The following COTL1 variants were observed in gnomAD, a reference collection of about 807,000 sequenced individuals.
COTL1 encodes the protein coactosin like F-actin binding protein 1.
In COTL1, 15 loss-of-function variants were observed where a neutral mutation model predicts 16.5. The observed-to-expected ratio is 0.91, with a 90% confidence interval of 0.61 to 1.40. The LOEUF (loss-of-function observed/expected upper bound fraction) is 1.40. COTL1 is among the 40% of genes most tolerant of loss of function. The probability of loss-of-function intolerance (pLI) is 0.00; values close to 1 mark genes in which losing one functional copy is unlikely to be tolerated. For synonymous variants in COTL1, 112 were observed against 85.3 expected (o/e 1.31, Z -1.73); for missense variants, 220 against 201.5 (o/e 1.09, Z -0.56).
chr16:84,568,364 G>C (rs1338932180), intron 3 of COTL1: 1 of 152,236 alleles, frequency 6.6e-6, no homozygotes, highest in Middle Eastern at 3.2e-3. Context: ...ACACACAGTA[G>C]TAAATATGAA....
chr16:84,602,205 G>A (rs1220140089), intron 2 of COTL1, among the ~76,000 whole-genome samples: 2 of 106,058 alleles, frequency 1.9e-5, no homozygotes, highest in Admixed American at 9.4e-5. Context: ...AGTTCAATGG[G>A]GGTGGGGGGG....
chr16:84,589,505 G>A (rs888014273), intron 3 of COTL1, among the ~76,000 whole-genome samples: 5 of 152,000 alleles, frequency 3.3e-5, no homozygotes, highest in African/African-American at 7.3e-5. Context: ...ATCCTTTTGC[G>A]AAATGGAGAT....
At chr16:84,567,427 TGTAAATAG>T (rs1163585918) in intron 3 of COTL1, 5 of 153,654 alleles carry the variant, frequency 3.3e-5, no homozygotes, top group African/African-American at 1.2e-4. Flanking sequence ...ATATCCATGA[TGTAAATAG>T]TCCCCCAGTG....
chr16:84,589,871 G>A (rs940699310), intron 3 of COTL1, among the ~76,000 whole-genome samples: 4 of 152,166 alleles, frequency 2.6e-5, no homozygotes, highest in Non-Finnish European at 5.9e-5. Flanking sequence ...CAGCTGCCAA[G>A]CTTCTGTTAT....
chr16:84,569,519 G>A (rs1904313714), intron 3 of COTL1, among the ~76,000 whole-genome samples: 1 of 152,148 alleles, frequency 6.6e-6, no homozygotes, highest in Non-Finnish European at 1.5e-5. Context: ...AGAACGGGAG[G>A]TTAATTTTTA....
Position 84,581,978 on chromosome 16 carries a change from CTTTT to C in COTL1, c.318+8123_318+8126del, listed in dbSNP as rs11332563. Among the ~76,000 whole-genome samples, 324 of 65,984 alleles carry C rather than the reference CTTTT, an allele frequency of 4.9e-3. 1 individual carries two copies. Among genetic ancestry groups the C allele is most frequent in the African/African-American group, 0.014 (310 of 22,590 alleles). 43.3% of individuals were successfully genotyped at this position (65,984 alleles called of 152,430 possible). A position where few individuals can be genotyped will look rare whatever the true frequency, so the allele number is the denominator to read the frequency against. ...GCCTACATGAGCAGATACATTTCTT[CTTTT>C]TTTTTTTTTTTTTTTTTTTTTGAGA... On this transcript the variant is annotated intron_variant, in intron 3 of 3. Transcript: ENST00000262428.
intron 3 of COTL1, among the ~76,000 whole-genome samples, chr16:84,573,884 G>A (rs1420039608): frequency 2.6e-5 from 4 of 152,072 alleles, no homozygotes; most frequent in Admixed American, 2.0e-4. Context: ...GTGGGGCGCT[G>A]TGGCTCACGC....
chr16:84,612,772 G>A (rs1490639557), intron 2 of COTL1, among the ~76,000 whole-genome samples: 1 of 152,090 alleles, frequency 6.6e-6, no homozygotes, highest in African/African-American at 2.4e-5. Flanking sequence ...AAAAAGAAAA[G>A]CAGTGGTAGG....
intron 3 of COTL1, among the ~76,000 whole-genome samples, chr16:84,582,824 C>T (rs771911489): frequency 1.3e-5 from 2 of 152,078 alleles, no homozygotes; most frequent in Admixed American, 1.3e-4. Context: ...AAATACCTGC[C>T]CAAAGTCCTA....
intron 2 of COTL1, among the ~76,000 whole-genome samples, chr16:84,592,025 A>G (rs16974231): frequency 0.21 from 31,552 of 152,084 alleles, 3,576 homozygotes; most frequent in African/African-American, 0.31. Context: ...GGTAGGAACC[A>G]TCCCGTAAAT....
intron 2 of COTL1, among the ~76,000 whole-genome samples, chr16:84,611,214 C>G (rs925911070): frequency 2.6e-5 from 4 of 152,330 alleles, no homozygotes; most frequent in Middle Eastern, 3.4e-3. Flanking sequence ...CCAATCAGCT[C>G]TAAAATCTGC....
rs1357004203 is a variant in COTL1 at position 84,617,371 on chromosome 16, C to G, written c.160+130G>C. ...GCCTTAAAACGCTCACACCGGGTTC[C>G]TCCCACGCCATGCGCCAGGGGCACC... is the stretch of plus-strand genomic sequence containing the variant. On this transcript the variant is annotated intron_variant, in intron 2 of 3. Transcript: ENST00000262428. 1.1e-5 allele frequency: 9 copies of G among 792,678 alleles called. No homozygotes were observed. In the South Asian group the frequency reaches 1.4e-4, roughly 12 times the overall value. 49.1% of individuals were successfully genotyped at this position (792,678 alleles called of 1,614,324 possible).
intron 2 of COTL1, among the ~76,000 whole-genome samples, chr16:84,603,673 G>T (rs562420766): frequency 6.6e-6 from 1 of 152,154 alleles, no homozygotes; most frequent in Non-Finnish European, 1.5e-5. Flanking sequence ...GGCAGTGGGG[G>T]AGCCGGGAGT....
chr16:84,606,304 T>C (rs570558833), intron 2 of COTL1, among the ~76,000 whole-genome samples: 33 of 152,200 alleles, frequency 2.2e-4, no homozygotes, highest in Non-Finnish European at 3.5e-4. Context: ...TGTGGGCCAC[T>C]GGGCTGTTAC....
intron 2 of COTL1, among the ~76,000 whole-genome samples, chr16:84,611,871 T>C (rs1905335814): frequency 6.6e-6 from 1 of 152,218 alleles, no homozygotes; most frequent in Non-Finnish European, 1.5e-5. Flanking sequence ...ATACGTGATC[T>C]GTAAGCCCTT....
chr16:84,601,139 C>G lies in COTL1; in HGVS notation c.161-10877G>C, dbSNP rs1905099300. Among the ~76,000 whole-genome samples, 3 of 152,316 alleles carry G rather than the reference C, an allele frequency of 2.0e-5. No homozygotes were observed. In the South Asian group the frequency reaches 6.2e-4, roughly 32 times the overall value. On this transcript the variant is annotated intron_variant, in intron 2 of 3. Transcript: ENST00000262428. ...GCTCCCAATCACTGAACAGCCCTGG[C>G]ACACACTGCTTTATACTCTTGTGTC...
chr16:84,588,880 T>C (rs1231985734), intron 3 of COTL1, among the ~76,000 whole-genome samples: 1 of 152,240 alleles, frequency 6.6e-6, no homozygotes, highest in Non-Finnish European at 1.5e-5. Context: ...ACCACCATGA[T>C]AGTCAATTTT....
chr16:84,580,280 T>G (rs1238901130), intron 3 of COTL1, among the ~76,000 whole-genome samples: 1 of 152,250 alleles, frequency 6.6e-6, no homozygotes, highest in Non-Finnish European at 1.5e-5. Flanking sequence ...AGACAAGGTC[T>G]TGCTCTGTCG....
At chr16:84,602,954 T>C (rs1905131125) in intron 2 of COTL1, among the ~76,000 whole-genome samples, 1 of 152,106 alleles carries the variant, frequency 6.6e-6, no homozygotes, top group African/African-American at 2.4e-5. Context: ...AAGCTGCTTC[T>C]CCACCTTTCA....
Sources: allele counts gnomAD v4.1 joint callset (sites outside exome capture counted in the v4.1 genomes callset), GRCh38; gene constraint gnomAD v4.1.1; transcripts MANE v1.5; gene names NCBI Gene and HGNC (gene_info 2026-07-23, HGNC 2026-07-21).